The following DTD1 variants were observed in gnomAD, a reference collection of about 807,000 sequenced individuals.
DTD1 encodes D-tyrosyl-tRNA deacylase 1 homolog.
In DTD1, 13 loss-of-function variants were observed where a neutral mutation model predicts 25.6. The observed-to-expected ratio is 0.51, with a 90% CI of 0.33 to 0.81. DTD1 has a LOEUF of 0.81. DTD1 is among the 30% of genes least tolerant of loss of function. The pLI, the probability that DTD1 is intolerant of heterozygous loss-of-function variation, is 0.02. For missense variants in DTD1, 193 were observed against 266.4 expected, an observed-to-expected ratio of 0.72 and a Z score of 1.92; for synonymous variants, 110 against 103.6, an observed-to-expected ratio of 1.06 and a Z score of -0.37.
chr20:18,680,530 C>G (rs1346432195), intron 4 of DTD1, among the ~76,000 whole-genome samples: 1 of 151,694 alleles, frequency 6.6e-6, no homozygotes, highest in Non-Finnish European at 1.5e-5. Context: ...GTGTGAGCCA[C>G]TGTGCCTGGA....
intron 4 of DTD1, among the ~76,000 whole-genome samples, chr20:18,641,420 G>A (rs1600338222): frequency 6.6e-6 from 1 of 152,102 alleles, no homozygotes; most frequent in African/African-American, 2.4e-5. Flanking sequence ...CCACTATACT[G>A]TTTTCCACAG....
intron 4 of DTD1, among the ~76,000 whole-genome samples, chr20:18,673,049 C>T (rs1016434974): frequency 6.6e-6 from 1 of 152,132 alleles, no homozygotes; most frequent in Non-Finnish European, 1.5e-5. Flanking sequence ...AACTGTTTAT[C>T]GAATTAGTGA....
chr20:18,758,653 G>A lies in DTD1; in HGVS notation c.*20-4707G>A, dbSNP rs909852670. ...TCTGAGAGACAGTTTGTTGTAATTT[G>A]TTCTTTTACATTTGCTGAGGAGTGC... On this transcript the variant is annotated intron_variant, in intron 5 of 5. Transcript: ENST00000377452. Among the ~76,000 whole-genome samples the A allele has an allele frequency of 2.6e-5, 4 of 152,132 alleles. No individual in the cohort carries two copies. The East Asian group carries it at 7.7e-4, about 29-fold the overall frequency.
At chr20:18,724,285 G>T (rs2061215751) in intron 4 of DTD1, among the ~76,000 whole-genome samples, 1 of 152,188 alleles carries the variant, frequency 6.6e-6, no homozygotes, top group Non-Finnish European at 1.5e-5. Context: ...GGCAGCGTGG[G>T]CAGGTAGGCA....
At chr20:18,708,261 T>TA (rs2061139435) in intron 4 of DTD1, among the ~76,000 whole-genome samples, 5 of 27,788 alleles carry the variant, frequency 1.8e-4, no homozygotes, top group Non-Finnish European at 3.8e-4. Context: ...ATTATATATA[T>TA]ATTTTATATA....
At chr20:18,684,450 C>T (rs550306525) in intron 4 of DTD1, among the ~76,000 whole-genome samples, 1 of 152,024 alleles carries the variant, frequency 6.6e-6, no homozygotes, top group East Asian at 1.9e-4. Flanking sequence ...TCATACCCAG[C>T]TAATTTTTAT....
At chr20:18,737,554 G>A (rs2043000014) in intron 4 of DTD1, among the ~76,000 whole-genome samples, 1 of 152,164 alleles carries the variant, frequency 6.6e-6, no homozygotes, top group Non-Finnish European at 1.5e-5. Flanking sequence ...TCAGCAGGTG[G>A]GCCCGGGTCA....
intron 4 of DTD1, among the ~76,000 whole-genome samples, chr20:18,632,847 A>G (rs902005992): frequency 2.0e-5 from 3 of 151,642 alleles, no homozygotes; most frequent in African/African-American, 4.9e-5. Flanking sequence ...GTGTGTGTAT[A>G]TGTGATGTGT....
chr20:18,649,173 T>C (rs1472059645), intron 4 of DTD1, among the ~76,000 whole-genome samples: 2 of 151,734 alleles, frequency 1.3e-5, no homozygotes, highest in African/African-American at 2.4e-5. Context: ...TCTTGTTCAG[T>C]TCACTGATGA....
chr20:18,651,011 C>G (rs1568658730), intron 4 of DTD1, among the ~76,000 whole-genome samples: 1 of 152,118 alleles, frequency 6.6e-6, no homozygotes, highest in South Asian at 2.1e-4. Flanking sequence ...AACCTATTAA[C>G]AGACTAGATG....
rs2061377352 is a variant in DTD1, at chr20:18,765,840, C to G, written c.*2500C>G. The G allele has an allele frequency of 6.6e-6, 1 of 152,206 alleles. No homozygotes were observed. Among genetic ancestry groups the G allele is most frequent in the South Asian group, 2.1e-4 (1 of 4,828 alleles). 9.4% of individuals were successfully genotyped at this position (152,206 alleles called of 1,614,324 possible). Reference sequence around the variant, plus strand: ...ATTTATAAAGCATACTGCTTATTGTCCATTAAAACATCATTTGAATGAGGA... The same window carrying G: ...ATTTATAAAGCATACTGCTTATTGTGCATTAAAACATCATTTGAATGAGGA... On this transcript the variant is annotated 3_prime_UTR_variant, in exon 6 of 6. Transcript: ENST00000377452.
At chr20:18,701,563 C>T (rs186874791) in intron 4 of DTD1, among the ~76,000 whole-genome samples, 8 of 152,326 alleles carry the variant, frequency 5.3e-5, no homozygotes, top group African/African-American at 1.9e-4. Flanking sequence ...GGACAAGGGA[C>T]ATCCCAGAGC....
intron 4 of DTD1, among the ~76,000 whole-genome samples, chr20:18,699,296 C>T (rs1332440086): frequency 6.6e-6 from 1 of 152,172 alleles, no homozygotes; most frequent in Non-Finnish European, 1.5e-5. Context: ...CCATCTGTCA[C>T]CTTGAGTCTC....
intron 3 of DTD1, among the ~76,000 whole-genome samples, chr20:18,608,978 T>G (rs1251332085): frequency 1.3e-5 from 2 of 152,164 alleles, no homozygotes. Flanking sequence ...CATTCATAGG[T>G]CTTCATGGAG....
chr20:18,683,432 T>C (rs117744614), intron 4 of DTD1, among the ~76,000 whole-genome samples: 1,769 of 152,334 alleles, frequency 0.012, 13 homozygotes, highest in African/African-American at 0.016. Flanking sequence ...CTTTCAGTCA[T>C]TGGGGCAATT....
chr20:18,678,283 C>G (rs918973888), intron 4 of DTD1, among the ~76,000 whole-genome samples: 3 of 152,220 alleles, frequency 2.0e-5, no homozygotes, highest in African/African-American at 7.2e-5. Flanking sequence ...CCAGCTCAGC[C>G]CCTTAGGTGA....
chr20:18,744,526 G>A lies in DTD1; in HGVS notation c.*19+255G>A, dbSNP rs141758296. Among the ~76,000 whole-genome samples, 1,046 of 151,848 alleles carry A rather than the reference G, an allele frequency of 6.9e-3. 18 individuals are homozygous for A. Among genetic ancestry groups the A allele is most frequent in the South Asian group, 0.061 (291 of 4,798 alleles). ...ATGGACTCGCAGTTCCACGTGGCTG[G>A]GGAGGCCTCACAATCATGGTTGAAG... On this transcript the variant is annotated intron_variant, in intron 5 of 5. Coordinates refer to ENST00000377452, the MANE Select transcript of DTD1 (RefSeq NM_080820.6).
At chr20:18,645,180 A>T (rs1009176339) in intron 4 of DTD1, among the ~76,000 whole-genome samples, 3 of 152,284 alleles carry the variant, frequency 2.0e-5, no homozygotes, top group African/African-American at 7.2e-5. Context: ...TCAATCAATC[A>T]ATCACCTGTG....
chr20:18,589,633 T>C (rs1375409227), intron 1 of DTD1, among the ~76,000 whole-genome samples: 1 of 152,180 alleles, frequency 6.6e-6, no homozygotes, highest in African/African-American at 2.4e-5. Flanking sequence ...AATTCATAGA[T>C]GAAAGATGTT....
Sources: gnomAD v4.1 joint callset for allele counts (sites outside exome capture counted in the v4.1 genomes callset) on GRCh38, gnomAD v4.1.1 for gene constraint, MANE v1.5 for transcripts, NCBI Gene and HGNC (gene_info 2026-07-23, HGNC 2026-07-21) for gene names.